The following PDZD2 variants were observed in gnomAD, a reference collection of about 807,000 sequenced individuals.
PDZD2 encodes the protein PDZ domain containing 2.
In PDZD2, 90 loss-of-function variants were observed where a neutral mutation model predicts 220.7. That is an observed-to-expected ratio of 0.41 (90% CI 0.34 to 0.49). PDZD2 has a LOEUF of 0.49. Ranked by LOEUF, PDZD2 falls within the 20% of genes least tolerant of loss-of-function variation. The pLI is 0.28. For missense variants in PDZD2, 3,174 were observed against 3,608.5 expected, an observed-to-expected ratio of 0.88 and a Z score of 3.08; for synonymous variants, 1,375 against 1,450.5, an observed-to-expected ratio of 0.95 and a Z score of 1.18.
At chr5:31,970,398 G>C (rs1749190447) in intron 2 of PDZD2, among the ~76,000 whole-genome samples, 2 of 152,036 alleles carry the variant, frequency 1.3e-5, no homozygotes, top group Admixed American at 1.3e-4. Flanking sequence ...GCTCCCGCTG[G>C]TAATCCCAGC....
chr5:31,977,199 G>T (rs1749867214), intron 2 of PDZD2, among the ~76,000 whole-genome samples: 1 of 152,068 alleles, frequency 6.6e-6, no homozygotes. Context: ...CCATGGTTCA[G>T]CTTGGCAGTA....
At chr5:31,686,634 T>C (rs1746884085) in intron 1 of PDZD2, among the ~76,000 whole-genome samples, 1 of 152,216 alleles carries the variant, frequency 6.6e-6, no homozygotes, top group African/African-American at 2.4e-5. Flanking sequence ...CCCAAAGTGC[T>C]GGGATTACAG....
intron 6 of PDZD2, among the ~76,000 whole-genome samples, chr5:32,025,760 C>T (rs1754608966): frequency 6.6e-6 from 1 of 151,396 alleles, no homozygotes; most frequent in Admixed American, 6.6e-5. Context: ...TCCACAATGC[C>T]CAGCTAATTT....
At chr5:32,055,782 G>C (rs138500031) in intron 10 of PDZD2, among the ~76,000 whole-genome samples, 126 of 152,102 alleles carry the variant, frequency 8.3e-4, no homozygotes, top group Non-Finnish European at 1.5e-3. Context: ...ATTCTCCCAC[G>C]GCAGAATATT....
chr5:31,660,874 G>A (rs562585434), intron 1 of PDZD2, among the ~76,000 whole-genome samples: 1 of 152,266 alleles, frequency 6.6e-6, no homozygotes, highest in East Asian at 1.9e-4. Flanking sequence ...CTACAGGCAT[G>A]TGTCACTATG....
intron 2 of PDZD2, among the ~76,000 whole-genome samples, chr5:31,820,081 A>G (rs570438848): frequency 1.3e-5 from 2 of 152,348 alleles, no homozygotes; most frequent in South Asian, 4.1e-4. Context: ...TGCCTCCCCA[A>G]GCTGGGGGCT....
chr5:31,995,270 G>C (rs996654789), intron 3 of PDZD2, among the ~76,000 whole-genome samples: 2 of 152,168 alleles, frequency 1.3e-5, no homozygotes, highest in East Asian at 3.8e-4. Flanking sequence ...ATTCAATTCA[G>C]TTACAAATTT....
chr5:31,946,319 A>G (rs1194049084), intron 2 of PDZD2, among the ~76,000 whole-genome samples: 3 of 152,112 alleles, frequency 2.0e-5, no homozygotes, highest in Non-Finnish European at 4.4e-5. Context: ...GCTATTTTAT[A>G]CCAGTCTCTG....
intron 2 of PDZD2, among the ~76,000 whole-genome samples, chr5:31,802,316 A>C (rs1219911143): frequency 1.3e-5 from 2 of 152,186 alleles, no homozygotes; most frequent in Non-Finnish European, 2.9e-5. Context: ...TTATTGTTCC[A>C]GAAGCCCATA....
intron 3 of PDZD2, among the ~76,000 whole-genome samples, chr5:31,986,271 G>T (rs535950410): frequency 1.6e-3 from 236 of 152,176 alleles, no homozygotes; most frequent in South Asian, 5.2e-3. Flanking sequence ...ATAGAAAGGG[G>T]AGACTTGCCA....
chr5:31,942,761 A>G (rs1281232396), intron 2 of PDZD2, among the ~76,000 whole-genome samples: 1 of 152,200 alleles, frequency 6.6e-6, no homozygotes, highest in Non-Finnish European at 1.5e-5. Flanking sequence ...TGTCGTGACT[A>G]CTTTTCGGTG....
rs368163652 is a variant in PDZD2, at chr5:32,087,663, A to G, written c.4215A>G (p.Glu1405=). 3 of 1,614,056 alleles carry G rather than the reference A, an allele frequency of 1.9e-6. No individual in the cohort carries two copies. The highest frequency in any genetic ancestry group is 2.5e-6 in the Non-Finnish European group (3 of 1,180,028). ...SMLPSTDNTK[E]ACGHVSGHCC... is the part of the protein sequence containing the mutation. ...TGCCATCCACTGACAACACCAAAGA[A>G]GCATGTGGCCATGTCTCGGGGCACT... The change falls in exon 20 of 25, where the codon GAA becomes GAG. Residue 1405 remains glutamate (E), a synonymous_variant. Coordinates refer to ENST00000438447, the MANE Select transcript of PDZD2 (RefSeq NM_178140.4). The surrounding 1 kb of genome is among the most constrained non-coding windows in gnomAD (Gnocchi z 4.0).
At chr5:31,884,772 CA>C (rs1404624034) in intron 2 of PDZD2, among the ~76,000 whole-genome samples, 1 of 151,956 alleles carries the variant, frequency 6.6e-6, no homozygotes, top group African/African-American at 2.4e-5. Context: ...GTTTTTAGTA[CA>C]GATGGGGTTT....
chr5:31,954,828 C>T (rs985316287), intron 2 of PDZD2, among the ~76,000 whole-genome samples: 1 of 151,954 alleles, frequency 6.6e-6, no homozygotes, highest in African/African-American at 2.4e-5. Flanking sequence ...CCTAGCTGCT[C>T]GGGAAGCTGG....
At chr5:31,808,189 G>T (rs1054727642) in intron 2 of PDZD2, among the ~76,000 whole-genome samples, 1 of 152,168 alleles carries the variant, frequency 6.6e-6, no homozygotes, top group Non-Finnish European at 1.5e-5. Context: ...GGTGCCTGAC[G>T]CTCTGTGCAG....
chr5:31,651,859 C>T (rs899977231), intron 1 of PDZD2, among the ~76,000 whole-genome samples: 1 of 150,944 alleles, frequency 6.6e-6, no homozygotes, highest in Non-Finnish European at 1.5e-5. Flanking sequence ...GCTCTGTCAC[C>T]CAGGCTGGAG....
chr5:31,902,113 T>G (rs1349170093), intron 2 of PDZD2, among the ~76,000 whole-genome samples: 1 of 152,240 alleles, frequency 6.6e-6, no homozygotes, highest in Middle Eastern at 3.2e-3. Context: ...AAGAGTGGAA[T>G]TGCTGGGTCA....
At chr5:31,924,345 G>A (rs963525344) in intron 2 of PDZD2, among the ~76,000 whole-genome samples, 1 of 152,190 alleles carries the variant, frequency 6.6e-6, no homozygotes, top group Non-Finnish European at 1.5e-5. Flanking sequence ...TTGTCTCCAG[G>A]TACAGCTACT....
At chr5:31,907,379 G>T (rs78803348) in intron 2 of PDZD2, among the ~76,000 whole-genome samples, 12,092 of 152,174 alleles carry the variant, frequency 0.079, 651 homozygotes, top group Middle Eastern at 0.11. Flanking sequence ...CCCTTCATGG[G>T]GTCCCTTCCT....
Sources: gnomAD v4.1 joint callset for allele counts (sites outside exome capture counted in the v4.1 genomes callset) on GRCh38, gnomAD v4.1.1 for gene constraint, Gnocchi (gnomAD v3.1) non-coding constraint, MANE v1.5 for transcripts, NCBI Gene and HGNC (gene_info 2026-07-23, HGNC 2026-07-21) for gene names.